Variants in CHST9 observed in about 807,000 individuals in gnomAD.
CHST9 encodes carbohydrate sulfotransferase 9, also known as GalNAc-4-sulfotransferase 2.
A neutral mutation model predicts 44.4 loss-of-function variants in CHST9; 41 were observed. The observed-to-expected ratio is 0.92, with a 90% CI of 0.72 to 1.20. CHST9 has a LOEUF of 1.20. Among genes scored for constraint, CHST9 ranks in the 50% most tolerant of loss-of-function variants. The pLI, the probability that CHST9 is intolerant of heterozygous loss-of-function variation, is 0.00. For missense variants in CHST9, 504 were observed against 516.5 expected, an observed-to-expected ratio of 0.98 and a Z score of 0.23; for synonymous variants, 171 against 178.4, an observed-to-expected ratio of 0.96 and a Z score of 0.33.
At chr18:26,973,709 AGT>A (rs1277969350) in intron 4 of CHST9, among the ~76,000 whole-genome samples, 1 of 152,180 alleles carries the variant, frequency 6.6e-6, no homozygotes, top group Non-Finnish European at 1.5e-5. Flanking sequence ...TAAATGGGAA[AGT>A]GTTTTTTGAA....
At chr18:27,044,853 T>A (rs1027940585) in intron 3 of CHST9, among the ~76,000 whole-genome samples, 2 of 150,930 alleles carry the variant, frequency 1.3e-5, no homozygotes, top group Non-Finnish European at 2.9e-5. Context: ...TACTTAACTA[T>A]TTTTTTTATC....
chr18:27,053,268 G>A (rs10468891), intron 2 of CHST9, among the ~76,000 whole-genome samples: 12,033 of 40,624 alleles, frequency 0.3, 1,287 homozygotes, highest in Non-Finnish European at 0.33. Context: ...GAAGGAGAAG[G>A]AGAAGGAGAA....
In CHST9 at chr18:26,911,795, T is replaced by G. The variant is rs2055443568; in HGVS notation, c.*4464A>C. ...CCCAGACCTGGCCTTCCTCAGGTAATGATCACAGGCCTGGGAAATGTCTGC... is the reference window on the plus strand; with the variant it reads ...CCCAGACCTGGCCTTCCTCAGGTAAGGATCACAGGCCTGGGAAATGTCTGC... On this transcript the variant is annotated 3_prime_UTR_variant, in exon 6 of 6. Coordinates refer to ENST00000618847, the MANE Select transcript of CHST9 (RefSeq NM_031422.6). 1.3e-5 allele frequency: 2 copies of G among 152,204 alleles called. No individual in the cohort carries two copies. Among genetic ancestry groups the G allele is most frequent in the South Asian group, 4.1e-4 (2 of 4,830 alleles). 9.4% of individuals were successfully genotyped at this position (152,204 alleles called of 1,614,324 possible). A position where few individuals can be genotyped will look rare whatever the true frequency, so the allele number is the denominator to read the frequency against.
chr18:26,922,900 T>A (rs1037912050), intron 5 of CHST9, among the ~76,000 whole-genome samples: 1 of 152,190 alleles, frequency 6.6e-6, no homozygotes, highest in Non-Finnish European at 1.5e-5. Flanking sequence ...CCTCCCAAAC[T>A]GCTGGGATTA....
rs533969827 is a variant in CHST9, at chr18:26,985,277, A to C, written c.202+38839T>G. 5.3e-5 allele frequency among the ~76,000 whole-genome samples: 8 copies of C among 152,364 alleles called. No homozygotes were observed. The South Asian group carries it at 1.7e-3, about 32-fold the overall frequency. ...TATGCAGTGTTCTAAACCAGTCAAA[A>C]TGAATCTATGTTGAGAAGAGACTTT... is the stretch of plus-strand genomic sequence containing the variant. On this transcript the variant is annotated intron_variant, in intron 4 of 5. Coordinates refer to ENST00000618847, the MANE Select transcript of CHST9 (RefSeq NM_031422.6).
At chr18:27,079,644 A>C (rs1446659292) in intron 2 of CHST9, among the ~76,000 whole-genome samples, 1 of 152,212 alleles carries the variant, frequency 6.6e-6, no homozygotes, top group Non-Finnish European at 1.5e-5. Flanking sequence ...GTTTTCTATT[A>C]CTTCTGTAAC....
chr18:26,999,615 G>A (rs1436640865), intron 4 of CHST9, among the ~76,000 whole-genome samples: 1 of 151,946 alleles, frequency 6.6e-6, no homozygotes, highest in East Asian at 1.9e-4. Context: ...ACATTTAAAA[G>A]TTTATATAAA....
At chr18:27,138,469 A>T (rs565446508) in intron 2 of CHST9, among the ~76,000 whole-genome samples, 1 of 152,196 alleles carries the variant, frequency 6.6e-6, no homozygotes, top group East Asian at 1.9e-4. Flanking sequence ...GCTTCTCCCA[A>T]CTAATTTAAC....
intron 2 of CHST9, among the ~76,000 whole-genome samples, chr18:27,105,390 C>G (rs1415620171): frequency 6.6e-6 from 1 of 152,016 alleles, no homozygotes; most frequent in Non-Finnish European, 1.5e-5. Flanking sequence ...TTTGTCAGAC[C>G]AATCTGAGGA....
chr18:27,060,372 T>C (rs899881555), intron 2 of CHST9, among the ~76,000 whole-genome samples: 1 of 152,162 alleles, frequency 6.6e-6, no homozygotes, highest in Non-Finnish European at 1.5e-5. Flanking sequence ...AGCTATTTTC[T>C]GGAAAAATCT....
intron 3 of CHST9, among the ~76,000 whole-genome samples, chr18:27,038,416 T>G (rs2057411685): frequency 6.6e-6 from 1 of 151,974 alleles, no homozygotes; most frequent in Admixed American, 6.6e-5. Flanking sequence ...TGTGGTGGCA[T>G]GCGCCTGTAA....
At chr18:27,053,994 A>T (rs964040342) in intron 2 of CHST9, among the ~76,000 whole-genome samples, 2 of 152,016 alleles carry the variant, frequency 1.3e-5, no homozygotes, top group African/African-American at 4.8e-5. Flanking sequence ...ACTAATTCTT[A>T]TTTTGGTTCA....
chr18:27,045,637 T>G (rs1281604203), intron 3 of CHST9, among the ~76,000 whole-genome samples: 1 of 152,014 alleles, frequency 6.6e-6, no homozygotes, highest in African/African-American at 2.4e-5. Context: ...AAATTTAGTT[T>G]TGATGTTTCT....
chr18:27,015,553 G>A (rs572474171), intron 4 of CHST9, among the ~76,000 whole-genome samples: 3 of 152,232 alleles, frequency 2.0e-5, no homozygotes, highest in East Asian at 1.9e-4. Flanking sequence ...CTCTCCTGGC[G>A]ACTCTGTGTG....
At chr18:26,944,286 A>T in intron 5 of CHST9, 43 bp downstream of exon 5, 1 of 1,496,248 alleles carries the variant, frequency 6.7e-7, no homozygotes, top group East Asian at 2.3e-5. Context: ...ATTAACATTG[A>T]AACAAAATTC....
chr18:27,149,385 A>G (rs951471480), intron 1 of CHST9, among the ~76,000 whole-genome samples: 24 of 152,060 alleles, frequency 1.6e-4, no homozygotes, highest in Admixed American at 1.2e-3. Context: ...ATTCTTTTTC[A>G]TGGCTGCATA....
chr18:27,094,512 C>A (rs2058098356), intron 2 of CHST9, among the ~76,000 whole-genome samples: 1 of 152,068 alleles, frequency 6.6e-6, no homozygotes, highest in African/African-American at 2.4e-5. Context: ...AGAGATTTAG[C>A]AATTTCTTAT....
chr18:26,953,828 C>T (rs748279533), intron 4 of CHST9, among the ~76,000 whole-genome samples: 4 of 152,166 alleles, frequency 2.6e-5, no homozygotes, highest in Non-Finnish European at 4.4e-5. Context: ...GCTCTGTTCT[C>T]CCCTTTTCCA....
At chr18:27,072,784 T>C (rs1344742993) in intron 2 of CHST9, among the ~76,000 whole-genome samples, 1 of 152,208 alleles carries the variant, frequency 6.6e-6, no homozygotes, top group Non-Finnish European at 1.5e-5. Flanking sequence ...CTAGAATTAA[T>C]GGAAGCATAG....
Sources: gnomAD v4.1 joint callset for allele counts (sites outside exome capture counted in the v4.1 genomes callset) on GRCh38, gnomAD v4.1.1 for gene constraint, MANE v1.5 for transcripts, NCBI Gene and HGNC (gene_info 2026-07-23, HGNC 2026-07-21) for gene names.